Variants in TBC1D4 observed in about 807,000 individuals in gnomAD.
The protein encoded by TBC1D4 is TBC (Tre-2, BUB2, CDC16) domain-containing protein.
In TBC1D4, 121 loss-of-function variants were observed where a neutral mutation model predicts 142.5. The observed-to-expected ratio is 0.85, with a 90% CI of 0.73 to 0.99. The LOEUF (loss-of-function observed/expected upper bound fraction) is 0.99. TBC1D4 is among the 50% of genes least tolerant of loss of function. TBC1D4 has a pLI of 0.00. For synonymous variants in TBC1D4, 630 were observed against 628.2 expected (o/e 1.00, Z -0.04); for missense variants, 1,475 against 1,606.6 (o/e 0.92, Z 1.40).
At chr13:75,379,631 C>T (rs1883704804) in intron 1 of TBC1D4, among the ~76,000 whole-genome samples, 1 of 152,016 alleles carries the variant, frequency 6.6e-6, no homozygotes, top group Non-Finnish European at 1.5e-5. Context: ...CACAGACCAA[C>T]CTATTGAGCA....
At chr13:75,423,409 C>G (rs1886247041) in intron 1 of TBC1D4, among the ~76,000 whole-genome samples, 1 of 152,000 alleles carries the variant, frequency 6.6e-6, no homozygotes, top group Non-Finnish European at 1.5e-5. Flanking sequence ...CTGTTTCTAA[C>G]AACAGATGGT....
intron 1 of TBC1D4, among the ~76,000 whole-genome samples, chr13:75,425,594 T>C (rs1593872039): frequency 1.3e-5 from 2 of 152,114 alleles, no homozygotes; most frequent in South Asian, 2.1e-4. Flanking sequence ...TGAATGAATA[T>C]AAAAACTGTG....
At chr13:75,305,661 T>C (rs1228435242) in intron 15 of TBC1D4, among the ~76,000 whole-genome samples, 1 of 152,248 alleles carries the variant, frequency 6.6e-6, no homozygotes, top group Non-Finnish European at 1.5e-5. Flanking sequence ...TTGGAATTTT[T>C]ATTTTACACC....
intron 1 of TBC1D4, among the ~76,000 whole-genome samples, chr13:75,404,522 T>A (rs377182309): frequency 7.7e-4 from 118 of 152,266 alleles, no homozygotes; most frequent in Middle Eastern, 3.4e-3. Context: ...GCATTTTTTT[T>A]AAAAGTTTCT....
At chr13:75,326,896 T>C (rs951982470) in intron 9 of TBC1D4, among the ~76,000 whole-genome samples, 53 of 152,194 alleles carry the variant, frequency 3.5e-4, no homozygotes, top group Non-Finnish European at 1.3e-4. Context: ...GCCAAAACAG[T>C]ATTACAATGC....
intron 1 of TBC1D4, among the ~76,000 whole-genome samples, chr13:75,462,344 C>A (rs979331779): frequency 2.6e-5 from 4 of 152,108 alleles, no homozygotes; most frequent in African/African-American, 9.7e-5. Context: ...CCTAGGGTAA[C>A]TACCAAATTG....
intron 11 of TBC1D4, among the ~76,000 whole-genome samples, chr13:75,322,904 A>C (rs1878895438): frequency 6.6e-6 from 1 of 152,156 alleles, no homozygotes; most frequent in Non-Finnish European, 1.5e-5. Context: ...CTCTAAAGTA[A>C]ATTCTTCATA....
intron 4 of TBC1D4, among the ~76,000 whole-genome samples, chr13:75,351,660 A>G (rs947006552): frequency 2.0e-5 from 3 of 148,262 alleles, no homozygotes; most frequent in Non-Finnish European, 4.4e-5. Flanking sequence ...ATGAGTGAGA[A>G]CATGCGGTGT....
Position 75,430,949 on chromosome 13 carries a change from C to A in TBC1D4, c.498+50321G>T, listed in dbSNP as rs901645050. Among the ~76,000 whole-genome samples the A allele has an allele frequency of 2.6e-5, 4 of 152,102 alleles. No individual in the cohort carries two copies. In the South Asian group the frequency reaches 8.3e-4, roughly 32 times the overall value. ...TTGCTGATAACCATTCAGTGAAAGACAAGGTGAACCAAAGCTTTGTGGTTA... is the reference window on the plus strand; with the variant it reads ...TTGCTGATAACCATTCAGTGAAAGAAAAGGTGAACCAAAGCTTTGTGGTTA... On this transcript the variant is annotated intron_variant, in intron 1 of 20. Coordinates refer to ENST00000377636, the MANE Select transcript of TBC1D4 (RefSeq NM_014832.5).
intron 15 of TBC1D4, chr13:75,302,605 G>A (rs1593885608): frequency 4.9e-6 from 3 of 618,304 alleles, no homozygotes; most frequent in East Asian, 2.8e-5. Context: ...AAACCCTCAC[G>A]CAACACTTAC....
At chr13:75,382,397 C>A (rs1190561522) in intron 1 of TBC1D4, among the ~76,000 whole-genome samples, 1 of 152,168 alleles carries the variant, frequency 6.6e-6, no homozygotes, top group Non-Finnish European at 1.5e-5. Context: ...CTCAACACTG[C>A]TCCAACTTTT....
chr13:75,368,554 A>G (rs1289640026), intron 1 of TBC1D4, among the ~76,000 whole-genome samples: 1 of 152,204 alleles, frequency 6.6e-6, no homozygotes, highest in Non-Finnish European at 1.5e-5. Context: ...TTGTCAGAGA[A>G]ACATTTCTTA....
At chr13:75,416,835 G>A (rs1252822744) in intron 1 of TBC1D4, among the ~76,000 whole-genome samples, 1 of 152,142 alleles carries the variant, frequency 6.6e-6, no homozygotes, top group Non-Finnish European at 1.5e-5. Context: ...GAGGCACAAG[G>A]GCAGGGTGGG....
chr13:75,423,185 G>C (rs1319231210), intron 1 of TBC1D4, among the ~76,000 whole-genome samples: 1 of 151,842 alleles, frequency 6.6e-6, no homozygotes, highest in Non-Finnish European at 1.5e-5. Flanking sequence ...TCCATAGAAA[G>C]TTATGACAGT....
rs12584697 is a variant in TBC1D4 at position 75,297,687 on chromosome 13, G to A, written c.3156+1643C>T. Among the ~76,000 whole-genome samples the A allele has an allele frequency of 0.013, 1,909 of 151,674 alleles. 59 individuals carry two copies. The East Asian group carries it at 0.13, about 10-fold the overall frequency. ...CAGGAGAATCACTTGAACCCAGGAGGTGGAGGTTGCAGTGAGCCAAGATCG... is the reference window on the plus strand; with the variant it reads ...CAGGAGAATCACTTGAACCCAGGAGATGGAGGTTGCAGTGAGCCAAGATCG... On this transcript the variant is annotated intron_variant, in intron 17 of 20. Coordinates refer to ENST00000377636, the MANE Select transcript of TBC1D4 (RefSeq NM_014832.5).
rs548133513 is a variant in TBC1D4 at position 75,381,512 on chromosome 13, C to CA, written c.499-18906dup. On this transcript the variant is annotated intron_variant, in intron 1 of 20. Coordinates refer to ENST00000377636, the MANE Select transcript of TBC1D4 (RefSeq NM_014832.5). ...AACAGGGGCATACCAGAAACTGCTT[C>CA]AAACTGTTGCTTCAACTTTTCCCCA... 4.1e-3 allele frequency among the ~76,000 whole-genome samples: 630 copies of CA among 152,316 alleles called. 4 individuals are homozygous for CA. The highest frequency in any genetic ancestry group is 0.014 in the African/African-American group (596 of 41,564).
At chr13:75,481,179 G>T (rs1236596148) in intron 1 of TBC1D4, 91 bp downstream of exon 1, 2 of 1,484,726 alleles carry the variant, frequency 1.3e-6, no homozygotes, top group African/African-American at 1.4e-5. Flanking sequence ...AACCTCAGTC[G>T]GTCCTTAAAG....
At chr13:75,449,345 C>G (rs567455487) in intron 1 of TBC1D4, among the ~76,000 whole-genome samples, 2 of 151,320 alleles carry the variant, frequency 1.3e-5, no homozygotes, top group Non-Finnish European at 2.9e-5. Context: ...ATACCTATGA[C>G]GAAGTTTAAT....
chr13:75,365,397 CT>C (rs1188149918), intron 1 of TBC1D4, among the ~76,000 whole-genome samples: 1 of 151,834 alleles, frequency 6.6e-6, no homozygotes, highest in Non-Finnish European at 1.5e-5. Context: ...TATACAGCCC[CT>C]GACTACTCAC....
Sources: allele counts gnomAD v4.1 joint callset (sites outside exome capture counted in the v4.1 genomes callset), GRCh38; gene constraint gnomAD v4.1.1; transcripts MANE v1.5; gene names NCBI Gene and HGNC (gene_info 2026-07-23, HGNC 2026-07-21).